Variants in PRRG1 observed in about 807,000 individuals in gnomAD.
PRRG1 encodes the protein proline rich and Gla domain 1, also known as transmembrane gamma-carboxyglutamic acid protein 1.
Under a neutral mutation model 11.8 loss-of-function variants are expected in PRRG1, and 5 were observed. The observed-to-expected ratio is 0.42, with a 90% confidence interval of 0.22 to 0.89. The LOEUF (loss-of-function observed/expected upper bound fraction) is 0.89. Ranked by LOEUF, PRRG1 falls within the 40% of genes least tolerant of loss-of-function variation. PRRG1 has a pLI of 0.28. For missense variants in PRRG1, 155 were observed against 166.1 expected, an observed-to-expected ratio of 0.93 and a Z score of 0.37; for synonymous variants, 66 against 60.4, an observed-to-expected ratio of 1.09 and a Z score of -0.43.
At chrX:37,414,566 G>A (rs1932436537) in intron 2 of PRRG1, among the ~76,000 whole-genome samples, 1 of 112,839 alleles carries the variant, frequency 8.9e-6, no homozygotes, top group Non-Finnish European at 1.9e-5. Context: ...CATGAGGGAA[G>A]AGAGGAAAAG....
Position 37,453,165 on chromosome X carries a change from G to C in PRRG1, c.201G>C (p.Ala67=). ...TKEFWSTYTK[A]QQGESNRGSD... ...AGTTTTGGAGCACCTACACAAAAGC[G>C]CAACAAGGGGAGAGTAACCGAGGAA... is the stretch of plus-strand genomic sequence containing the variant. The change falls in exon 4 of 4, where the codon GCG becomes GCC. Residue 67 remains alanine (A), a synonymous_variant. Transcript: ENST00000378628. 2.5e-6 allele frequency: 3 copies of C among 1,206,045 alleles called. No homozygotes were observed. The highest frequency in any genetic ancestry group is 3.4e-6 in the Non-Finnish European group (3 of 891,240).
At chrX:37,365,993 T>C (rs1395922076) in intron 1 of PRRG1, among the ~76,000 whole-genome samples, 1 of 112,334 alleles carries the variant, frequency 8.9e-6, no homozygotes, top group Non-Finnish European at 1.9e-5. Context: ...CTTACCCTAC[T>C]CCACTACCAC....
At chrX:37,426,306 A>G (rs1279537567) in intron 3 of PRRG1, among the ~76,000 whole-genome samples, 1 of 112,031 alleles carries the variant, frequency 8.9e-6, no homozygotes, top group Non-Finnish European at 1.9e-5. Flanking sequence ...AGATAATATC[A>G]CTTTGCCTAA....
At chrX:37,352,364 A>G (rs1184023236) in intron 1 of PRRG1, among the ~76,000 whole-genome samples, 2 of 112,011 alleles carry the variant, frequency 1.8e-5, no homozygotes, top group Non-Finnish European at 3.8e-5. Context: ...AGCATTAGTC[A>G]TTGTTCCTAA....
chrX:37,406,583 C>T (rs1556382087), intron 2 of PRRG1, among the ~76,000 whole-genome samples: 1 of 109,780 alleles, frequency 9.1e-6, no homozygotes, highest in Non-Finnish European at 1.9e-5. Flanking sequence ...AACCCAGCTT[C>T]TTTATAAGTC....
chrX:37,396,434 C>A (rs1931716916), intron 1 of PRRG1, among the ~76,000 whole-genome samples: 1 of 111,487 alleles, frequency 9.0e-6, no homozygotes, highest in Non-Finnish European at 1.9e-5. Context: ...TCATGGGGGG[C>A]AGGTCTTTCT....
intron 3 of PRRG1, among the ~76,000 whole-genome samples, chrX:37,432,187 A>C (rs1932835792): frequency 9.2e-6 from 1 of 108,947 alleles, no homozygotes; most frequent in African/African-American, 3.4e-5. Context: ...TCCCGGGTTC[A>C]CGCCATTCTC....
At chrX:37,388,521 C>T (rs1162559390) in intron 1 of PRRG1, among the ~76,000 whole-genome samples, 2 of 113,299 alleles carry the variant, frequency 1.8e-5, no homozygotes, top group African/African-American at 6.4e-5. Context: ...GCTGCCAAGG[C>T]TTATGGCTTA....
At chrX:37,441,720 C>A in intron 3 of PRRG1, 1 of 791,031 alleles carries the variant, frequency 1.3e-6, no homozygotes, top group Non-Finnish European at 1.5e-6. Context: ...AGAGGGAGCA[C>A]GTCCAGGAGC....
chrX:37,446,930 C>T (rs782604896), intron 3 of PRRG1, among the ~76,000 whole-genome samples: 23 of 111,487 alleles, frequency 2.1e-4, no homozygotes, highest in African/African-American at 6.2e-4. Flanking sequence ...CTGACTGCAG[C>T]GAGAAGGACA....
At chrX:37,441,800 A>G (rs1556393907) in intron 3 of PRRG1, 2 of 785,367 alleles carry the variant, frequency 2.5e-6, no homozygotes, top group African/African-American at 2.3e-5. Flanking sequence ...GAGCGTCAAG[A>G]CTGGGAGAGC....
chrX:37,441,027 C>T (rs1932966858), intron 3 of PRRG1: 3 of 967,600 alleles, frequency 3.1e-6, no homozygotes, highest in African/African-American at 4.0e-5. Flanking sequence ...CCTTGGCCTC[C>T]CAAAGTGCTG....
intron 3 of PRRG1, among the ~76,000 whole-genome samples, chrX:37,451,317 C>T (rs1277768325): frequency 8.9e-6 from 1 of 112,244 alleles, no homozygotes; most frequent in Non-Finnish European, 1.9e-5. Context: ...GCACCCAGCC[C>T]CATTTTTGCT....
chrX:37,417,403 T>C (rs1932527529), intron 2 of PRRG1, among the ~76,000 whole-genome samples: 1 of 111,466 alleles, frequency 9.0e-6, no homozygotes, highest in African/African-American at 3.3e-5. Flanking sequence ...TACTAAACTC[T>C]AAGTTTGCAA....
At chrX:37,368,213 A>G (rs782235588) in intron 1 of PRRG1, among the ~76,000 whole-genome samples, 38 of 112,390 alleles carry the variant, frequency 3.4e-4, no homozygotes, top group Non-Finnish European at 6.2e-4. Context: ...AATAGAGTTC[A>G]GATCTTCTGT....
chrX:37,399,436 G>A (rs1931866256), intron 1 of PRRG1, among the ~76,000 whole-genome samples: 1 of 109,047 alleles, frequency 9.2e-6, no homozygotes, highest in African/African-American at 3.4e-5. Flanking sequence ...AATGCTGAGA[G>A]ATTTTGTCAC....
chrX:37,403,031 G>A (rs1212470202), intron 1 of PRRG1, among the ~76,000 whole-genome samples: 4 of 110,297 alleles, frequency 3.6e-5, no homozygotes, highest in African/African-American at 1.3e-4. Context: ...CACTGTTGGT[G>A]GGACTGTAAA....
At chrX:37,401,323 G>C (rs1241111202) in intron 1 of PRRG1, among the ~76,000 whole-genome samples, 3 of 110,852 alleles carry the variant, frequency 2.7e-5, no homozygotes, top group Admixed American at 9.6e-5. Flanking sequence ...TGCAAGGCTG[G>C]TTCAATATAC....
chrX:37,367,843 G>A (rs1458853312), intron 1 of PRRG1, among the ~76,000 whole-genome samples: 10 of 112,449 alleles, frequency 8.9e-5, no homozygotes, highest in Admixed American at 7.5e-4. Context: ...GAGAAAGCAC[G>A]TATAGAAAGC....
Sources: allele counts gnomAD v4.1 joint callset (sites outside exome capture counted in the v4.1 genomes callset), GRCh38; gene constraint gnomAD v4.1.1; transcripts MANE v1.5; gene names NCBI Gene and HGNC (gene_info 2026-07-23, HGNC 2026-07-21).